The following UST variants were observed in gnomAD, a reference collection of about 807,000 sequenced individuals.
UST encodes the protein chondroitin sulfate 2-O-sulfotransferase.
In UST, 21 loss-of-function variants were observed where a neutral mutation model predicts 45.6. That is an observed-to-expected ratio of 0.46 (90% CI 0.33 to 0.66). The LOEUF is 0.66. Among genes scored for constraint, UST ranks in the 30% least tolerant of loss-of-function variants. UST has a pLI of 0.02. For missense variants in UST, 463 were observed against 512.4 expected (o/e 0.90, Z 0.93); for synonymous variants, 215 against 200.6 (o/e 1.07, Z -0.61).
At chr6:149,014,994 G>A (rs1313292416) in intron 5 of UST, among the ~76,000 whole-genome samples, 2 of 152,140 alleles carry the variant, frequency 1.3e-5, no homozygotes, top group Non-Finnish European at 2.9e-5. Context: ...GCTGCTGGCT[G>A]AGAAGCTGCT....
At chr6:149,040,665 G>A (rs1226403229) in intron 7 of UST, among the ~76,000 whole-genome samples, 1 of 152,132 alleles carries the variant, frequency 6.6e-6, no homozygotes, top group Non-Finnish European at 1.5e-5. Flanking sequence ...CAATTAATTA[G>A]TTAATTAATT....
chr6:149,045,920 A>C (rs996567883), intron 7 of UST, among the ~76,000 whole-genome samples: 3 of 152,230 alleles, frequency 2.0e-5, no homozygotes, highest in African/African-American at 7.2e-5. Context: ...ATCTCCCAGA[A>C]TATCTGCTTA....
Position 148,748,473 on chromosome 6 carries a change from G to T in UST, c.247+796G>T, listed in dbSNP as rs573505123. 2.0e-5 allele frequency among the ~76,000 whole-genome samples: 3 copies of T among 150,690 alleles called. No individual in the cohort carries two copies. Among genetic ancestry groups the T allele is most frequent in the African/African-American group, 7.3e-5 (3 of 40,890 alleles). ...TGTGTGGTTTATTAGGAGAGAGGCC[G>T]CCTGTCTTTAGCAGAAGTAAGGAAG... On this transcript the variant is annotated intron_variant, in intron 1 of 7. Transcript: ENST00000367463. This position sits in a 1 kb window ranked among gnomAD's most constrained non-coding sequence, Gnocchi z 5.3.
chr6:148,954,129 C>T (rs1780431580), intron 4 of UST, among the ~76,000 whole-genome samples, 178 bp downstream of exon 4: 1 of 152,156 alleles, frequency 6.6e-6, no homozygotes, highest in African/African-American at 2.4e-5. Flanking sequence ...TCATTTCTTC[C>T]TAGACTACTG....
chr6:148,760,735 A>G (rs1242513284), intron 1 of UST, among the ~76,000 whole-genome samples: 3 of 151,962 alleles, frequency 2.0e-5, no homozygotes, highest in African/African-American at 4.8e-5. Context: ...ACAAAACAAA[A>G]CAAAAAAAAA....
chr6:149,059,795 G>A lies in UST; in HGVS notation c.938-14038G>A, dbSNP rs148120721. Among the ~76,000 whole-genome samples the A allele has an allele frequency of 5.1e-4, 77 of 152,132 alleles. No homozygotes were observed. In the East Asian group the frequency reaches 0.013, roughly 26 times the overall value. ...AGTAGTGTGGAGTTGAATCCCCCAG[G>A]CAATAACCTAGAAGCCCCAGGCAAT... On this transcript the variant is annotated intron_variant, in intron 7 of 7. Coordinates refer to ENST00000367463, the MANE Select transcript of UST (RefSeq NM_005715.3).
At chr6:148,925,707 T>C (rs1049807266) in intron 2 of UST, among the ~76,000 whole-genome samples, 3 of 152,246 alleles carry the variant, frequency 2.0e-5, no homozygotes, top group Non-Finnish European at 4.4e-5. Context: ...TCACTCCCCA[T>C]GATGACTGGA....
rs56987468 is a variant in UST, at chr6:148,789,989, CTTT to C, written c.247+42329_247+42331del. Among the ~76,000 whole-genome samples the C allele has an allele frequency of 3.8e-3, 479 of 127,038 alleles. 4 individuals carry two copies. The highest frequency in any genetic ancestry group is 0.013 in the African/African-American group (437 of 34,394). The allele number at this position is 127,038 out of a possible 152,430, so 83.3% of individuals were successfully genotyped here. ...TTTCTGTCATCAAGATTTCAGGATT[CTTT>C]TTTTTTTTTTTTTTTTCCAGCTTTA... On this transcript the variant is annotated intron_variant, in intron 1 of 7. Coordinates refer to ENST00000367463, the MANE Select transcript of UST (RefSeq NM_005715.3).
intron 3 of UST, among the ~76,000 whole-genome samples, chr6:148,948,963 C>T (rs988960018): frequency 1.3e-5 from 2 of 152,068 alleles, no homozygotes; most frequent in African/African-American, 4.8e-5. Flanking sequence ...GCCTTTTGTG[C>T]CTCAGTTTCT....
chr6:148,758,997 T>G (rs1055856352), intron 1 of UST, among the ~76,000 whole-genome samples: 1 of 152,178 alleles, frequency 6.6e-6, no homozygotes, highest in African/African-American at 2.4e-5. Context: ...GAGGGGGCAC[T>G]AGGCCTGGGT....
At chr6:148,843,715 G>C (rs1777929426) in intron 1 of UST, among the ~76,000 whole-genome samples, 1 of 152,172 alleles carries the variant, frequency 6.6e-6, no homozygotes, top group East Asian at 1.9e-4. Context: ...CACCTCACTA[G>C]CCATGCTCCA....
chr6:149,035,760 C>G (rs1776231479), intron 7 of UST, among the ~76,000 whole-genome samples: 1 of 102,720 alleles, frequency 9.7e-6, no homozygotes, highest in African/African-American at 3.9e-5. Context: ...AGTAAGACCC[C>G]ATCTTTAAAA....
At chr6:149,052,134 A>G (rs1312921837) in intron 7 of UST, among the ~76,000 whole-genome samples, 3 of 152,234 alleles carry the variant, frequency 2.0e-5, no homozygotes, top group Admixed American at 6.5e-5. Context: ...TTAAAATTTT[A>G]TAGGAGCAGA....
intron 1 of UST, among the ~76,000 whole-genome samples, chr6:148,845,852 A>G (rs951633671): frequency 1.3e-5 from 2 of 152,110 alleles, no homozygotes; most frequent in Non-Finnish European, 2.9e-5. Flanking sequence ...AAAAATGCTC[A>G]TCATCACTGG....
chr6:149,023,443 T>A (rs919255788), intron 7 of UST, among the ~76,000 whole-genome samples: 2 of 152,146 alleles, frequency 1.3e-5, no homozygotes, highest in South Asian at 2.1e-4. Flanking sequence ...CCAACCAACA[T>A]GTTAATGGCT....
At chr6:148,780,061 A>G (rs1195996628) in intron 1 of UST, among the ~76,000 whole-genome samples, 1 of 146,800 alleles carries the variant, frequency 6.8e-6, no homozygotes, top group Non-Finnish European at 1.5e-5. Flanking sequence ...ACACATACAT[A>G]TACAAATACA....
intron 1 of UST, among the ~76,000 whole-genome samples, chr6:148,824,299 G>T (rs1777525808): frequency 6.6e-6 from 1 of 152,222 alleles, no homozygotes; most frequent in African/African-American, 2.4e-5. Context: ...TTGAAAAGAA[G>T]ATGATTCAGG....
intron 1 of UST, among the ~76,000 whole-genome samples, chr6:148,870,140 A>ACACACACACACACACACACACG: frequency 6.6e-6 from 1 of 150,462 alleles, no homozygotes. Flanking sequence ...ACACACACAC[A>ACACACACACACACACACACACG]CAGTGGCAGC....
chr6:148,949,238 C>T (rs1013043614), intron 3 of UST, among the ~76,000 whole-genome samples: 1 of 151,246 alleles, frequency 6.6e-6, no homozygotes, highest in East Asian at 1.9e-4. Context: ...TTGCAGTGAG[C>T]CAAGATTGCG....
Sources: allele counts gnomAD v4.1 joint callset (sites outside exome capture counted in the v4.1 genomes callset), GRCh38; gene constraint gnomAD v4.1.1; non-coding constraint Gnocchi (gnomAD v3.1); transcripts MANE v1.5; gene names NCBI Gene and HGNC (gene_info 2026-07-23, HGNC 2026-07-21).